BRINP3: variants seen among roughly 807,000 people sequenced by gnomAD.
BRINP3 encodes the protein BMP/retinoic acid-inducible neural-specific protein 3.
In BRINP3, 19 loss-of-function variants were observed where a neutral mutation model predicts 71.0. The ratio of observed to expected loss-of-function variants is 0.27; its 90% CI spans 0.19 to 0.39. The LOEUF (loss-of-function observed/expected upper bound fraction) is 0.39. BRINP3 is among the 10% of genes least tolerant of loss of function. BRINP3 has a pLI of 1.00. For missense variants in BRINP3, 959 were observed against 940.8 expected, an observed-to-expected ratio of 1.02 and a Z score of -0.25; for synonymous variants, 380 against 337.7, an observed-to-expected ratio of 1.13 and a Z score of -1.37.
At chr1:190,268,457 T>C (rs1209496877) in intron 3 of BRINP3, among the ~76,000 whole-genome samples, 1 of 152,100 alleles carries the variant, frequency 6.6e-6, no homozygotes, top group Non-Finnish European at 1.5e-5. Context: ...GCAACTTTCT[T>C]AATGGGGAAA....
At chr1:190,465,103 C>A (rs988342194) in intron 1 of BRINP3, among the ~76,000 whole-genome samples, 1 of 151,852 alleles carries the variant, frequency 6.6e-6, no homozygotes, top group East Asian at 1.9e-4. Context: ...GGAAATTATT[C>A]TTAAGAGCCC....
At chr1:190,181,772 C>T (rs769067096) in intron 6 of BRINP3, among the ~76,000 whole-genome samples, 10 of 151,854 alleles carry the variant, frequency 6.6e-5, no homozygotes, top group Admixed American at 6.6e-4. Context: ...CTTTGGCCAC[C>T]AAACGTAATT....
At chr1:190,380,027 GAA>G (rs66528376) in intron 2 of BRINP3, among the ~76,000 whole-genome samples, 23 of 139,560 alleles carry the variant, frequency 1.6e-4, no homozygotes, top group African/African-American at 2.4e-4. Context: ...AAAGAAAAAA[GAA>G]AAAAAAAAAG....
chr1:190,434,829 A>G (rs1311376643), intron 2 of BRINP3, among the ~76,000 whole-genome samples: 1 of 152,110 alleles, frequency 6.6e-6, no homozygotes, highest in Non-Finnish European at 1.5e-5. Flanking sequence ...AACGTGTTAA[A>G]TATTTGCAAA....
chr1:190,329,342 T>C (rs1289730099), intron 2 of BRINP3, among the ~76,000 whole-genome samples: 6 of 151,970 alleles, frequency 3.9e-5, no homozygotes, highest in Middle Eastern at 6.8e-3. Flanking sequence ...CTTTAGGATA[T>C]AAAATCAACA....
intron 7 of BRINP3, among the ~76,000 whole-genome samples, chr1:190,126,443 T>G (rs1349715930): frequency 6.6e-6 from 1 of 151,894 alleles, no homozygotes; most frequent in East Asian, 1.9e-4. Flanking sequence ...TTCTGGATAT[T>G]CCAGAGGTAT....
At chr1:190,229,957 A>T (rs1024890792) in intron 5 of BRINP3, among the ~76,000 whole-genome samples, 3 of 152,004 alleles carry the variant, frequency 2.0e-5, no homozygotes, top group Non-Finnish European at 4.4e-5. Context: ...CAAAACAGAC[A>T]ATATGGCAAG....
intron 2 of BRINP3, among the ~76,000 whole-genome samples, chr1:190,397,687 T>C (rs1480406285): frequency 4.6e-5 from 7 of 152,004 alleles, no homozygotes; most frequent in Non-Finnish European, 2.9e-5. Flanking sequence ...CAACTGAATA[T>C]CCTTTTGGAG....
intron 2 of BRINP3, among the ~76,000 whole-genome samples, chr1:190,364,290 C>A (rs1669344841): frequency 6.6e-6 from 1 of 152,000 alleles, no homozygotes; most frequent in South Asian, 2.1e-4. Flanking sequence ...TGGAACTGGT[C>A]TGTATCAGGA....
chr1:190,124,424 C>T (rs534876445), intron 7 of BRINP3, among the ~76,000 whole-genome samples: 1 of 152,214 alleles, frequency 6.6e-6, no homozygotes, highest in South Asian at 2.1e-4. Flanking sequence ...CAGACTAAGA[C>T]AACTTATATC....
intron 2 of BRINP3, among the ~76,000 whole-genome samples, chr1:190,452,754 G>A (rs961725702): frequency 2.0e-5 from 3 of 152,286 alleles, no homozygotes; most frequent in Admixed American, 2.0e-4. Flanking sequence ...CTACTTGGGA[G>A]CCTGAGGCAG....
At chr1:190,452,914 G>A (rs1289127254) in intron 2 of BRINP3, among the ~76,000 whole-genome samples, 1 of 152,078 alleles carries the variant, frequency 6.6e-6, no homozygotes, top group Non-Finnish European at 1.5e-5. Context: ...CTGATTGACT[G>A]ATAAGCTAAA....
At chr1:190,281,112 C>T (rs767351257) in intron 3 of BRINP3, among the ~76,000 whole-genome samples, 7 of 151,688 alleles carry the variant, frequency 4.6e-5, no homozygotes, top group African/African-American at 7.3e-5. Flanking sequence ...TCACTTTTTC[C>T]GTACCAGCTA....
intron 6 of BRINP3, among the ~76,000 whole-genome samples, chr1:190,221,173 G>T (rs111761017): frequency 1.3e-5 from 2 of 151,990 alleles, no homozygotes; most frequent in African/African-American, 2.4e-5. Context: ...AGCTGAGATC[G>T]CACCACTACA....
At chr1:190,285,547 C>T (rs924996454) in intron 2 of BRINP3, among the ~76,000 whole-genome samples, 3 of 151,654 alleles carry the variant, frequency 2.0e-5, no homozygotes, top group African/African-American at 7.3e-5. Context: ...GGCAGTGAAC[C>T]GAGATCATGC....
chr1:190,202,863 C>G (rs1353906197), intron 6 of BRINP3, among the ~76,000 whole-genome samples: 5 of 152,072 alleles, frequency 3.3e-5, no homozygotes, highest in African/African-American at 1.2e-4. Context: ...TAGCCCATTT[C>G]AGGTAAGTCT....
At chr1:190,274,382 C>CATTT (rs1194861902) in intron 3 of BRINP3, among the ~76,000 whole-genome samples, 1 of 151,390 alleles carries the variant, frequency 6.6e-6, no homozygotes, top group Non-Finnish European at 1.5e-5. Flanking sequence ...AAATTATGTG[C>CATTT]ATTTATGGCA....
chr1:190,129,442 T>C (rs973407880), intron 7 of BRINP3, among the ~76,000 whole-genome samples: 1 of 151,944 alleles, frequency 6.6e-6, no homozygotes, highest in Non-Finnish European at 1.5e-5. Context: ...TGTAGTGTTA[T>C]ATTATTTACC....
At chr1:190,260,705 T>C (rs1236262623) in intron 4 of BRINP3, among the ~76,000 whole-genome samples, 1 of 152,124 alleles carries the variant, frequency 6.6e-6, no homozygotes, top group Non-Finnish European at 1.5e-5. Context: ...TTTAATGTAA[T>C]GTATTTTATA....
Sources: gnomAD v4.1 joint callset for allele counts (sites outside exome capture counted in the v4.1 genomes callset) on GRCh38, gnomAD v4.1.1 for gene constraint, MANE v1.5 for transcripts, NCBI Gene and HGNC (gene_info 2026-07-23, HGNC 2026-07-21) for gene names.